Variants in XYLT1 observed in about 807,000 individuals in gnomAD.
XYLT1 encodes the protein xylosyltransferase 1.
A neutral mutation model predicts 91.3 loss-of-function variants in XYLT1; 36 were observed. The observed-to-expected ratio is 0.39, with a 90% CI of 0.30 to 0.52. The LOEUF is 0.52. Ranked by LOEUF, XYLT1 falls within the 20% of genes least tolerant of loss-of-function variation. XYLT1 has a pLI of 0.68. For synonymous variants in XYLT1, 588 were observed against 532.0 expected (o/e 1.11, Z -1.45); for missense variants, 1,242 against 1,284.5 (o/e 0.97, Z 0.51).
intron 1 of XYLT1, among the ~76,000 whole-genome samples, chr16:17,459,763 G>T (rs2036790887): frequency 6.6e-6 from 1 of 152,166 alleles, no homozygotes; most frequent in Non-Finnish European, 1.5e-5. Flanking sequence ...TGAGGGCAGG[G>T]TCACATCTGT....
intron 2 of XYLT1, among the ~76,000 whole-genome samples, chr16:17,271,114 G>A (rs1179509007): frequency 6.6e-6 from 1 of 152,114 alleles, no homozygotes; most frequent in Non-Finnish European, 1.5e-5. Context: ...CTCACACACA[G>A]AAGAGCTTTT....
chr16:17,152,926 C>T (rs953197810), intron 6 of XYLT1, among the ~76,000 whole-genome samples: 16 of 152,058 alleles, frequency 1.1e-4, no homozygotes, highest in Non-Finnish European at 1.8e-4. Flanking sequence ...AAATTGTTGT[C>T]GATACATATA....
chr16:17,420,038 A>C (rs2036232478), intron 1 of XYLT1, among the ~76,000 whole-genome samples: 1 of 152,220 alleles, frequency 6.6e-6, no homozygotes, highest in African/African-American at 2.4e-5. Context: ...TGACTGGGTG[A>C]AGTTTATTCA....
chr16:17,442,408 T>C (rs1259809534), intron 1 of XYLT1, among the ~76,000 whole-genome samples: 12 of 151,932 alleles, frequency 7.9e-5, no homozygotes, highest in African/African-American at 1.9e-4. Flanking sequence ...CCCACCTCCA[T>C]GATGGTTAAT....
At chr16:17,453,837 A>G (rs547677193) in intron 1 of XYLT1, among the ~76,000 whole-genome samples, 6 of 152,354 alleles carry the variant, frequency 3.9e-5, no homozygotes, top group African/African-American at 1.2e-4. Context: ...CTGAATAAAG[A>G]TAAGAGCGCT....
intron 5 of XYLT1, among the ~76,000 whole-genome samples, chr16:17,195,124 C>T (rs2032396975): frequency 6.6e-6 from 1 of 152,216 alleles, no homozygotes; most frequent in Admixed American, 6.5e-5. Context: ...GAGTCAATGT[C>T]TGGAGACATC....
intron 1 of XYLT1, among the ~76,000 whole-genome samples, chr16:17,370,314 G>A (rs1193242841): frequency 6.6e-6 from 1 of 152,204 alleles, no homozygotes; most frequent in Non-Finnish European, 1.5e-5. Flanking sequence ...CCCATTTGGC[G>A]GATCCAAAGC....
chr16:17,207,732 G>A (rs1297262756), intron 3 of XYLT1, among the ~76,000 whole-genome samples: 1 of 152,174 alleles, frequency 6.6e-6, no homozygotes, highest in Admixed American at 6.5e-5. Context: ...GGCCCAGACT[G>A]CTCTGCACCG....
rs1322611659 is a variant in XYLT1, at chr16:17,327,602, TCCCGCCCCC to T, written c.402+30401_402+30409del. On this transcript the variant is annotated intron_variant, in intron 2 of 11. Coordinates refer to ENST00000261381, the MANE Select transcript of XYLT1 (RefSeq NM_022166.4). The stretch of plus-strand genomic sequence containing the variant: ...TGGTCTCAATCTCCTGACCTCGTGA[TCCCGCCCCC>T]CCCCCCCCCCCCCCCCCGCCTCGGC... 8.5e-3 allele frequency among the ~76,000 whole-genome samples: 909 copies of T among 107,070 alleles called. 51 individuals carry two copies. Among genetic ancestry groups the T allele is most frequent in the African/African-American group, 0.031 (861 of 27,588 alleles). The allele number at this position is 107,070 out of a possible 152,430, so 70.2% of individuals were successfully genotyped here.
intron 1 of XYLT1, among the ~76,000 whole-genome samples, chr16:17,372,296 T>C (rs1567397712): frequency 6.6e-6 from 1 of 152,256 alleles, no homozygotes; most frequent in African/African-American, 2.4e-5. Flanking sequence ...ATTATCTTAT[T>C]ACTAGTGCAC....
intron 1 of XYLT1, among the ~76,000 whole-genome samples, chr16:17,373,303 C>T (rs149962872): frequency 6.6e-6 from 1 of 152,268 alleles, no homozygotes; most frequent in African/African-American, 2.4e-5. Context: ...CTACAGTGCT[C>T]GGGCCACTGA....
At chr16:17,172,466 CT>C (rs1157952692) in intron 5 of XYLT1, among the ~76,000 whole-genome samples, 17,028 of 102,180 alleles carry the variant, frequency 0.17, 403 homozygotes, top group Middle Eastern at 0.26. Context: ...GCGTTCATTT[CT>C]TTTTTTTTTT....
rs778094877 is a variant in XYLT1 at position 17,106,506 on chromosome 16, G to A, written c.*2189C>T. On this transcript the variant is annotated 3_prime_UTR_variant, in exon 12 of 12. Transcript: ENST00000261381. The stretch of plus-strand genomic sequence containing the variant: ...CCGGACTCTGCTGCCTGGATCTGAC[G>A]ACCCTCCTCCTAAGATGGATCTCTC... The A allele has an allele frequency of 5.9e-5, 9 of 152,170 alleles. No homozygotes were observed. Among genetic ancestry groups the A allele is most frequent in the Non-Finnish European group, 1.2e-4 (8 of 68,060 alleles). The allele number at this position is 152,170 out of a possible 1,614,324, so 9.4% of individuals were successfully genotyped here.
intron 3 of XYLT1, among the ~76,000 whole-genome samples, chr16:17,223,710 G>A (rs1317897509): frequency 6.6e-6 from 1 of 152,172 alleles, no homozygotes; most frequent in African/African-American, 2.4e-5. Context: ...GGATGGCAGA[G>A]GATGAAGACA....
At chr16:17,455,235 G>A (rs2036725591) in intron 1 of XYLT1, among the ~76,000 whole-genome samples, 2 of 152,100 alleles carry the variant, frequency 1.3e-5, no homozygotes, top group South Asian at 4.1e-4. Context: ...CTGGTTAGTT[G>A]GGCGTGATCC....
intron 1 of XYLT1, among the ~76,000 whole-genome samples, chr16:17,381,818 C>T (rs1433276704): frequency 6.6e-6 from 1 of 152,110 alleles, no homozygotes. Context: ...GATTCTAAAT[C>T]CAAGGAAACA....
chr16:17,109,646 C>T (rs1166095880), intron 11 of XYLT1, among the ~76,000 whole-genome samples: 2 of 152,222 alleles, frequency 1.3e-5, no homozygotes, highest in African/African-American at 4.8e-5. Context: ...TGGAACATGG[C>T]TGTGCCCATT....
At chr16:17,308,286 G>A (rs1364235661) in intron 2 of XYLT1, among the ~76,000 whole-genome samples, 3 of 152,220 alleles carry the variant, frequency 2.0e-5, no homozygotes, top group Non-Finnish European at 4.4e-5. Context: ...TAAGTTAGCA[G>A]CTCTTAGGGA....
chr16:17,419,562 T>C (rs1413179298), intron 1 of XYLT1, among the ~76,000 whole-genome samples: 2 of 152,218 alleles, frequency 1.3e-5, no homozygotes, highest in Non-Finnish European at 1.5e-5. Context: ...CCTTTCAATT[T>C]AGCAGTAGCC....
Sources: gnomAD v4.1 joint callset for allele counts (sites outside exome capture counted in the v4.1 genomes callset) on GRCh38, gnomAD v4.1.1 for gene constraint, MANE v1.5 for transcripts, NCBI Gene and HGNC (gene_info 2026-07-23, HGNC 2026-07-21) for gene names.